The following PLVAP variants were observed in gnomAD, a reference collection of about 807,000 sequenced individuals.
The protein encoded by PLVAP is plasmalemma vesicle-associated protein.
Under a neutral mutation model 43.1 loss-of-function variants are expected in PLVAP, and 34 were observed. The observed-to-expected ratio is 0.79, with a 90% CI of 0.60 to 1.05. The LOEUF is 1.05. PLVAP is among the 50% of genes least tolerant of loss of function. The pLI is 0.00. For synonymous variants in PLVAP, 241 were observed against 237.3 expected (o/e 1.02, Z -0.14); for missense variants, 574 against 593.4 (o/e 0.97, Z 0.34).
Position 17,352,252 on chromosome 19 carries a change from G to A in PLVAP, c.*110C>T. On this transcript the variant is annotated 3_prime_UTR_variant, in exon 6 of 6. Coordinates refer to ENST00000252590, the MANE Select transcript of PLVAP (RefSeq NM_031310.3). ...GGGAGTTGTCTGATGGTGGCCCTGG[G>A]TGGTTGGGGGCGGCGGGAGGGGGTT... is the stretch of plus-strand genomic sequence containing the variant. The A allele has an allele frequency of 6.9e-7, 1 of 1,457,462 alleles. No homozygotes were observed. The highest frequency in any genetic ancestry group is 2.3e-5 in the East Asian group (1 of 43,148). The allele number at this position is 1,457,462 out of a possible 1,614,324, so 90.3% of individuals were successfully genotyped here. A position where few individuals can be genotyped will look rare whatever the true frequency, so the allele number is the denominator to read the frequency against.
Position 17,365,918 on chromosome 19 carries a change from T to C in PLVAP, c.547A>G (p.Lys183Glu), listed in dbSNP as rs376976626. The C allele has an allele frequency of 7.4e-6, 12 of 1,613,920 alleles. No homozygotes were observed. The African/African-American group carries it at 1.3e-4, about 18-fold the overall frequency. The change falls in exon 3 of 6, where the codon AAG (lysine) becomes GAG (glutamate). Residue 183 changes from lysine to glutamate, a missense_variant. By Grantham distance (56) the Lys-to-Glu change is moderately conservative. Transcript: ENST00000252590. ...CGTTTGTTCAGCAGCACGCTTTCCT[T>C]ATCCTTAGTGCAAATGGTCTTCTCC... ...AKEKTICTKD[K>E]ESVLLNKRVA...
chr19:17,370,785 G>A (rs1568376725), intron 1 of PLVAP, among the ~76,000 whole-genome samples: 1 of 152,230 alleles, frequency 6.6e-6, no homozygotes, highest in South Asian at 2.1e-4. Flanking sequence ...GGCTGGGCGC[G>A]GTGGCTCACG....
At chr19:17,372,893 T>A (rs2074578896) in intron 1 of PLVAP, among the ~76,000 whole-genome samples, 1 of 144,410 alleles carries the variant, frequency 6.9e-6, no homozygotes, top group Admixed American at 6.9e-5. Flanking sequence ...AAACCCCGTC[T>A]CTACTAAAAA....
At chr19:17,358,888 C>T (rs1211433335) in intron 5 of PLVAP, among the ~76,000 whole-genome samples, 1 of 151,964 alleles carries the variant, frequency 6.6e-6, no homozygotes, top group Non-Finnish European at 1.5e-5. Flanking sequence ...CAGCCTCCAC[C>T]TCCTGGACTC....
chr19:17,366,283 C>T, intron 1 of PLVAP, 88 bp from the exon 2 acceptor site: 1 of 1,270,744 alleles, frequency 7.9e-7, no homozygotes. Context: ...ACCCTGGTGG[C>T]CAGAGTGAGC....
At chr19:17,373,065 C>CAAAAAAAA (rs59152541) in intron 1 of PLVAP, among the ~76,000 whole-genome samples, 4 of 45,672 alleles carry the variant, frequency 8.8e-5, no homozygotes, top group Non-Finnish European at 1.6e-4. Flanking sequence ...GACTCTGTCT[C>CAAAAAAAA]AAAAAAAAAA....
chr19:17,366,551 A>G (rs1423413159), intron 1 of PLVAP, among the ~76,000 whole-genome samples: 1 of 152,230 alleles, frequency 6.6e-6, no homozygotes, highest in Non-Finnish European at 1.5e-5. Flanking sequence ...AAATAAAAAG[A>G]CACAAAGTAT....
chr19:17,364,187 G>A (rs747930925), intron 3 of PLVAP, among the ~76,000 whole-genome samples: 2 of 152,022 alleles, frequency 1.3e-5, no homozygotes, highest in Non-Finnish European at 2.9e-5. Context: ...CTGGGTTCAA[G>A]AGATTCTCCT....
In PLVAP at chr19:17,365,306, C is replaced by G. The variant is rs2074543783; in HGVS notation, c.1159G>C (p.Asp387His). 1.9e-6 allele frequency: 3 copies of G among 1,612,556 alleles called. No individual in the cohort carries two copies. The highest frequency in any genetic ancestry group is 2.5e-6 in the Non-Finnish European group (3 of 1,179,694). The change falls in exon 3 of 6, where the codon GAC becomes CAC. Residue 387 changes from aspartate to histidine, a missense_variant. Asp to His is a moderately conservative substitution (Grantham distance 81, BLOSUM62 -1). Transcript: ENST00000252590. ...MELAIRNSALDTCIKTKSQPM... is the reference protein window; with the variant it reads ...MELAIRNSALHTCIKTKSQPM... ...CCCACCTTGGTCTTGATGCAGGTGT[C>G]CAGGGCTGAGTTTCTGATGGCCAGC...
intron 3 of PLVAP, among the ~76,000 whole-genome samples, chr19:17,361,188 T>C (rs546053202): frequency 6.6e-6 from 1 of 152,230 alleles, no homozygotes; most frequent in East Asian, 1.9e-4. Context: ...AGTGCTGGGA[T>C]TACAGGCATG....
rs1333749728 is a variant in PLVAP at position 17,366,134 on chromosome 19, C to G, written c.431G>C (p.Arg144Thr). ...CTTGTTCATGTCCTTGAATTGATCT[C>G]TGCATTGCTTCTCACTCAAGATGAT... The part of the protein sequence containing the change: ...AAIILSEKQC[R>T]DQFKDMNKSC... The change falls in exon 2 of 6, where the codon AGA becomes ACA. Residue 144 changes from arginine to threonine, a missense_variant. By Grantham distance (71) the Arg-to-Thr change is moderately conservative. Transcript: ENST00000252590. The G allele has an allele frequency of 6.2e-7, 1 of 1,614,176 alleles. No homozygotes were observed. The highest frequency in any genetic ancestry group is 1.1e-5 in the South Asian group (1 of 91,078).
At position 17,365,932 on chromosome 19, in the gene PLVAP, A is replaced by T. The variant is rs2074548134; in HGVS notation, c.533T>A (p.Ile178Asn). The T allele has an allele frequency of 6.2e-7, 1 of 1,613,830 alleles. No homozygotes were observed. The highest frequency in any genetic ancestry group is 1.3e-5 in the African/African-American group (1 of 74,856). The change falls in exon 3 of 6, where the codon ATT becomes AAT. Residue 178 changes from isoleucine (I) to asparagine (N), a missense_variant. Transcript: ENST00000252590. ...LEVEIAKEKTICTKDKESVLL... is the reference protein window; with the variant it reads ...LEVEIAKEKTNCTKDKESVLL... ...CACGCTTTCCTTATCCTTAGTGCAA[A>T]TGGTCTTCTCCTTGGCTATCTCCAC...
At chr19:17,360,900 T>A (rs1312934524) in intron 3 of PLVAP, 68 bp from the exon 4 acceptor site, 4 of 1,379,574 alleles carry the variant, frequency 2.9e-6, no homozygotes, top group African/African-American at 1.5e-5. Context: ...TGCCTTTTCT[T>A]TTCTTTTCTT....
At chr19:17,358,822 C>T (rs201123501) in intron 5 of PLVAP, among the ~76,000 whole-genome samples, 1 of 25,948 alleles carries the variant, frequency 3.9e-5, no homozygotes, top group Non-Finnish European at 6.4e-5. Context: ...TTTTCCAAGA[C>T]AGGATCTCAC....
chr19:17,366,884 C>A (rs541904715), intron 1 of PLVAP, among the ~76,000 whole-genome samples: 147 of 151,650 alleles, frequency 9.7e-4, no homozygotes, highest in African/African-American at 3.0e-3. Context: ...GATCTGCCCG[C>A]CTCGGCTTCC....
At chr19:17,359,293 T>A (rs867248862) in intron 5 of PLVAP, among the ~76,000 whole-genome samples, 8 of 147,654 alleles carry the variant, frequency 5.4e-5, no homozygotes, top group African/African-American at 1.8e-4. Context: ...TTTTTTTTTT[T>A]AGTAGAGACA....
chr19:17,367,146 T>G (rs1419179866), intron 1 of PLVAP, among the ~76,000 whole-genome samples: 1 of 151,926 alleles, frequency 6.6e-6, no homozygotes, highest in South Asian at 2.1e-4. Flanking sequence ...GGTTTTACCA[T>G]GCTGCCGAGG....
chr19:17,376,152 TG>T lies in PLVAP; in HGVS notation c.369+767del, dbSNP rs575790857. Among the ~76,000 whole-genome samples the T allele has an allele frequency of 6.1e-3, 934 of 152,132 alleles. 4 individuals carry two copies. Among genetic ancestry groups the T allele is most frequent in the African/African-American group, 0.021 (886 of 41,492 alleles). ...ATGCTCACATCACTGTGCTCCAGCC[TG>T]GGTGACAGAGTGAGACCCTGCCTCC... On this transcript the variant is annotated intron_variant, in intron 1 of 5. Transcript: ENST00000252590.
chr19:17,373,082 A>G (rs2074580386), intron 1 of PLVAP, among the ~76,000 whole-genome samples: 1 of 140,674 alleles, frequency 7.1e-6, no homozygotes, highest in Admixed American at 7.2e-5. Flanking sequence ...AAAAAAAAAA[A>G]AAAAAAAAAA....
Sources: gnomAD v4.1 joint callset for allele counts (sites outside exome capture counted in the v4.1 genomes callset) on GRCh38, gnomAD v4.1.1 for gene constraint, MANE v1.5 for transcripts, NCBI Gene and HGNC (gene_info 2026-07-23, HGNC 2026-07-21) for gene names.